ZBBX: variants seen among roughly 807,000 people sequenced by gnomAD.
ZBBX encodes zinc finger B-box domain-containing protein 1.
In ZBBX, 101 loss-of-function variants were observed where a neutral mutation model predicts 108.5. That is an observed-to-expected ratio of 0.93 (90% CI 0.79 to 1.10). The LOEUF is 1.10. Ranked by LOEUF, ZBBX falls within the 50% of genes least tolerant of loss-of-function variation. The pLI is 0.00. For synonymous variants in ZBBX, 356 were observed against 323.4 expected (o/e 1.10, Z -1.08); for missense variants, 1,009 against 941.4 (o/e 1.07, Z -0.94).
In ZBBX at chr3:167,386,153, A is replaced by G. The variant is rs576546075; in HGVS notation, c.-445-5748T>C. On this transcript the variant is annotated intron_variant, in intron 1 of 21. Coordinates refer to the ZBBX transcript ENST00000455345. ...AGAAAGAAAGAAAGGATAAAAGGTA[A>G]AAAAAGAAAAAATAAAGGATGGAAG... 1.1e-4 allele frequency among the ~76,000 whole-genome samples: 16 copies of G among 152,184 alleles called. No homozygotes were observed. The South Asian group carries it at 3.3e-3, about 31-fold the overall frequency.
chr3:167,233,686 A>G, the ZBBX span, among the ~76,000 whole-genome samples: 1 of 151,812 alleles, frequency 6.6e-6, no homozygotes. Flanking sequence ...TGAAGAAACA[A>G]ATATCTAAAT....
chr3:167,397,855 C>T lies in ZBBX; in HGVS notation c.-446+9871G>A, dbSNP rs562770038. ...TCAAAATACTAAACAAACTCACTTG[C>T]AAAAAAAAAAAAATTAGGTTACATT... On this transcript the variant is annotated intron_variant, in intron 1 of 21. Coordinates refer to the ZBBX transcript ENST00000455345. 3.7e-3 allele frequency among the ~76,000 whole-genome samples: 529 copies of T among 141,196 alleles called. 1 individual carries two copies. The highest frequency in any genetic ancestry group is 0.013 in the African/African-American group (501 of 38,284). The allele number at this position is 141,196 out of a possible 152,430, so 92.6% of individuals were successfully genotyped here.
intron 20 of ZBBX, among the ~76,000 whole-genome samples, chr3:167,254,894 G>GAGAAAGAATGAGAGAGAGAC (rs1723213924): frequency 6.6e-6 from 1 of 151,974 alleles, no homozygotes; most frequent in Admixed American, 6.6e-5. Flanking sequence ...GTGTGAGAGA[G>GAGAAAGAATGAGAGAGAGAC]AGAGAGAATG....
chr3:167,273,257 G>A (rs1340883303), intron 20 of ZBBX, among the ~76,000 whole-genome samples: 1 of 152,138 alleles, frequency 6.6e-6, no homozygotes, highest in African/African-American at 2.4e-5. Flanking sequence ...GGTTGGAATG[G>A]ATCAAATATT....
the ZBBX span, among the ~76,000 whole-genome samples, chr3:167,225,935 G>C: frequency 6.6e-6 from 1 of 151,538 alleles, no homozygotes; most frequent in Non-Finnish European, 1.5e-5. Context: ...GTTCCTTTCA[G>C]TTATAAAAGC....
At chr3:167,389,893 A>T (rs1748038974) in intron 1 of ZBBX, among the ~76,000 whole-genome samples, 2 of 151,874 alleles carry the variant, frequency 1.3e-5, no homozygotes, top group Admixed American at 1.3e-4. Flanking sequence ...GATTCCAAAA[A>T]TTTTCTCACA....
intron 9 of ZBBX, among the ~76,000 whole-genome samples, chr3:167,337,363 C>T (rs1739732550): frequency 6.6e-6 from 1 of 151,926 alleles, no homozygotes; most frequent in South Asian, 2.1e-4. Context: ...ACTAAAAATA[C>T]AAAAAATTAG....
downstream of ZBBX, among the ~76,000 whole-genome samples, chr3:167,236,984 A>G (rs543441697): frequency 3.9e-5 from 6 of 152,002 alleles, no homozygotes; most frequent in East Asian, 1.2e-3. Context: ...AGAGATGAGA[A>G]ATAGCATGTG....
the ZBBX span, among the ~76,000 whole-genome samples, chr3:167,209,902 C>A: frequency 1.3e-5 from 2 of 152,034 alleles, no homozygotes; most frequent in Admixed American, 6.6e-5. Flanking sequence ...CCAGACTGGC[C>A]AACATGGCGA....
At chr3:167,245,639 A>C (rs1331148997) in intron 20 of ZBBX, among the ~76,000 whole-genome samples, 1 of 152,050 alleles carries the variant, frequency 6.6e-6, no homozygotes, top group African/African-American at 2.4e-5. Flanking sequence ...TGTTCTCATG[A>C]TAGAGAGTTC....
At chr3:167,252,875 TA>T (rs1722858507) in intron 20 of ZBBX, among the ~76,000 whole-genome samples, 1 of 148,736 alleles carries the variant, frequency 6.7e-6, no homozygotes, top group Non-Finnish European at 1.5e-5. Flanking sequence ...AATTTGTAAA[TA>T]ATAAAATGTA....
At chr3:167,390,497 T>C (rs1431156195) in intron 1 of ZBBX, among the ~76,000 whole-genome samples, 1 of 151,856 alleles carries the variant, frequency 6.6e-6, no homozygotes, top group Non-Finnish European at 1.5e-5. Context: ...AAATTTAAAG[T>C]AGTTGTTTTT....
intron 6 of ZBBX, among the ~76,000 whole-genome samples, chr3:167,364,473 G>T (rs1435230015): frequency 3.3e-5 from 5 of 151,840 alleles, no homozygotes; most frequent in Non-Finnish European, 7.4e-5. Flanking sequence ...CTCTTCACTA[G>T]AGAGCTGGCA....
At chr3:167,227,130 T>C in the ZBBX span, among the ~76,000 whole-genome samples, 519 of 151,948 alleles carry the variant, frequency 3.4e-3, 3 homozygotes, top group African/African-American at 0.012. Flanking sequence ...TATTATATTC[T>C]TTATACTCAG....
chr3:167,319,352 G>C (rs1736004252), intron 12 of ZBBX, among the ~76,000 whole-genome samples: 1 of 152,018 alleles, frequency 6.6e-6, no homozygotes, highest in African/African-American at 2.4e-5. Context: ...ATGAATAGTT[G>C]TTACGGACTA....
chr3:167,393,219 C>T lies in ZBBX; in HGVS notation c.-445-12814G>A, dbSNP rs190059917. Among the ~76,000 whole-genome samples the T allele has an allele frequency of 1.0e-3, 153 of 151,870 alleles. 1 individual carries two copies. Among genetic ancestry groups the T allele is most frequent in the African/African-American group, 3.6e-3 (151 of 41,492 alleles). ...ATTCTTACCAGTGAAATTTGAGTGA[C>T]ATAGTCCCCCTGCCAGTCTGGATGC... is the stretch of plus-strand genomic sequence containing the variant. On this transcript the variant is annotated intron_variant, in intron 1 of 21. Coordinates refer to the ZBBX transcript ENST00000455345.
At chr3:167,359,835 A>T (rs766126786) in intron 8 of ZBBX, 35 bp downstream of exon 8, 2 of 1,064,816 alleles carry the variant, frequency 1.9e-6, no homozygotes, top group Admixed American at 5.0e-5. Context: ...TACCTACTAT[A>T]CAGTATATGT....
the ZBBX span, among the ~76,000 whole-genome samples, chr3:167,180,827 G>C: frequency 6.6e-6 from 1 of 152,146 alleles, no homozygotes; most frequent in African/African-American, 2.4e-5. Flanking sequence ...CAATTTTTTG[G>C]AATCATAGCA....
chr3:167,335,587 T>C (rs1445299401), intron 9 of ZBBX, among the ~76,000 whole-genome samples: 4 of 151,436 alleles, frequency 2.6e-5, no homozygotes, highest in South Asian at 2.1e-4. Flanking sequence ...CAGATAAAAT[T>C]ATTTTGTACT....
Sources: gnomAD v4.1 joint callset for allele counts (sites outside exome capture counted in the v4.1 genomes callset) on GRCh38, gnomAD v4.1.1 for gene constraint, MANE v1.5 for transcripts, NCBI Gene and HGNC (gene_info 2026-07-23, HGNC 2026-07-21) for gene names.